AK5: variants seen among roughly 807,000 people sequenced by gnomAD.
AK5 encodes the protein adenylate kinase isoenzyme 5.
In AK5, 27 loss-of-function variants were observed where a neutral mutation model predicts 69.5. The observed-to-expected ratio is 0.39, with a 90% CI of 0.29 to 0.54. The LOEUF (loss-of-function observed/expected upper bound fraction) is 0.54, where lower values mean the gene tolerates loss of function less well. Ranked by LOEUF, AK5 falls within the 20% of genes least tolerant of loss-of-function variation. The probability of loss-of-function intolerance (pLI) is 0.71; values close to 1 mark genes in which losing one functional copy is unlikely to be tolerated. For synonymous variants in AK5, 260 were observed against 244.4 expected, an observed-to-expected ratio of 1.06 and a Z score of -0.60; for missense variants, 531 against 700.4, an observed-to-expected ratio of 0.76 and a Z score of 2.73.
chr1:77,368,243 A>AT (rs1432239191), intron 6 of AK5, among the ~76,000 whole-genome samples: 2 of 17,664 alleles, frequency 1.1e-4, no homozygotes, highest in South Asian at 2.6e-3. Flanking sequence ...ATATATATAT[A>AT]TATATATATA....
intron 10 of AK5, among the ~76,000 whole-genome samples, chr1:77,512,941 G>A (rs1043238123): frequency 4.6e-5 from 7 of 152,200 alleles, no homozygotes; most frequent in Non-Finnish European, 2.9e-5. Flanking sequence ...GGGAGATGAG[G>A]AGGGAGACCC....
chr1:77,536,515 C>T (rs1658979805), intron 13 of AK5, among the ~76,000 whole-genome samples: 1 of 152,180 alleles, frequency 6.6e-6, no homozygotes, highest in Admixed American at 6.5e-5. Context: ...ACTTCTATTT[C>T]AATCAAAATT....
intron 1 of AK5, 197 bp downstream of exon 1, chr1:77,282,570 C>T (rs1214883950): frequency 2.2e-6 from 3 of 1,358,918 alleles, no homozygotes; most frequent in African/African-American, 1.5e-5. Flanking sequence ...GAAGGCTGGG[C>T]TTAGAAGCCT....
chr1:77,428,306 T>C (rs571447101), intron 8 of AK5, among the ~76,000 whole-genome samples: 1 of 152,366 alleles, frequency 6.6e-6, no homozygotes. Flanking sequence ...CTCTGTGTAC[T>C]TTTTTGTTCA....
At chr1:77,425,295 A>G (rs1651123849) in intron 8 of AK5, among the ~76,000 whole-genome samples, 1 of 152,158 alleles carries the variant, frequency 6.6e-6, no homozygotes, top group African/African-American at 2.4e-5. Flanking sequence ...AGAAGAAAAA[A>G]TGACATAGAG....
At chr1:77,364,894 G>A (rs1646924559) in intron 6 of AK5, among the ~76,000 whole-genome samples, 1 of 152,148 alleles carries the variant, frequency 6.6e-6, no homozygotes, top group Non-Finnish European at 1.5e-5. Context: ...CCAGTAGTGG[G>A]ACTGCTGGAC....
At position 77,521,139 on chromosome 1, in the gene AK5, CTT is replaced by C. The variant is rs879354407; in HGVS notation, c.1312-676_1312-675del. On this transcript the variant is annotated intron_variant, in intron 11 of 13. Coordinates refer to ENST00000354567, the MANE Select transcript of AK5 (RefSeq NM_174858.3). ...GGAAAAAAAGTTAACAGTAAGATAC[CTT>C]TTTTTTTTTTTGAGACACAGTCTCG... Among the ~76,000 whole-genome samples, 9 of 145,658 alleles carry C rather than the reference CTT, an allele frequency of 6.2e-5. No homozygotes were observed. The South Asian group carries it at 6.6e-4, about 11-fold the overall frequency.
intron 8 of AK5, among the ~76,000 whole-genome samples, chr1:77,422,030 C>G (rs371567166): frequency 1.3e-5 from 2 of 152,180 alleles, no homozygotes; most frequent in Non-Finnish European, 1.5e-5. Context: ...CATCTTCCCC[C>G]ACAAAATCTG....
chr1:77,555,864 ACATTGATGATAAC>A (rs1660070780), intron 13 of AK5, among the ~76,000 whole-genome samples: 1 of 152,214 alleles, frequency 6.6e-6, no homozygotes, highest in Non-Finnish European at 1.5e-5. Context: ...TAACTGCAAA[ACATTGATGATAAC>A]CAGGAAATGC....
intron 8 of AK5, among the ~76,000 whole-genome samples, chr1:77,439,782 A>T (rs1346536247): frequency 6.6e-6 from 1 of 151,484 alleles, no homozygotes; most frequent in African/African-American, 2.4e-5. Context: ...ATATATATGT[A>T]TGTATACATG....
chr1:77,527,542 AAAC>A (rs1658357411), intron 12 of AK5, among the ~76,000 whole-genome samples: 1 of 152,234 alleles, frequency 6.6e-6, no homozygotes, highest in Admixed American at 6.5e-5. Context: ...ATTCCATTTC[AAAC>A]AACACACAGG....
chr1:77,478,655 G>T (rs749227705), intron 8 of AK5, among the ~76,000 whole-genome samples: 1 of 152,158 alleles, frequency 6.6e-6, no homozygotes, highest in Non-Finnish European at 1.5e-5. Flanking sequence ...ACAGAAATTG[G>T]TTCTGTCACC....
intron 10 of AK5, among the ~76,000 whole-genome samples, chr1:77,489,125 A>G (rs1334285266): frequency 6.6e-6 from 1 of 152,198 alleles, no homozygotes; most frequent in African/African-American, 2.4e-5. Flanking sequence ...AGGCATAACT[A>G]AAGACCTCAC....
chr1:77,494,804 C>T (rs1299732577), intron 10 of AK5, among the ~76,000 whole-genome samples: 5 of 148,020 alleles, frequency 3.4e-5, no homozygotes, highest in Admixed American at 1.3e-4. Context: ...TTTTTTGAGA[C>T]GGAGTCTTGC....
intron 5 of AK5, among the ~76,000 whole-genome samples, chr1:77,339,378 G>C (rs1316426431): frequency 6.6e-6 from 1 of 152,110 alleles, no homozygotes; most frequent in African/African-American, 2.4e-5. Context: ...TTCTAATTTA[G>C]TTAAATAGAA....
intron 5 of AK5, among the ~76,000 whole-genome samples, chr1:77,302,188 T>C (rs1615404): frequency 0.89 from 134,496 of 151,964 alleles, 59,868 homozygotes; most frequent in Middle Eastern, 0.97. Context: ...TGTGAGCCAC[T>C]GCAACTGGCT....
At position 77,535,876 on chromosome 1, in the gene AK5, G is replaced by A. The variant is rs1304519071; in HGVS notation, c.1458G>A (p.Met486Ile). The A allele has an allele frequency of 6.2e-7, 1 of 1,613,604 alleles. No homozygotes were observed. Among genetic ancestry groups the A allele is most frequent in the Non-Finnish European group, 8.5e-7 (1 of 1,179,896 alleles). The change falls in exon 13 of 14, where the codon ATG becomes ATA. Residue 486 changes from methionine (M) to isoleucine (I), a missense_variant. Physicochemically the swap from Met to Ile is conservative, Grantham distance 10. Transcript: ENST00000354567. ...GAGACCCACAGTTGGTGATCTGTAT[G>A]GACTGCTCGGCAGACACCATGACCA... ...RIGDPQLVIC[M>I]DCSADTMTNR... is the part of the protein sequence containing the mutation.
chr1:77,556,929 TACC>T (rs1466395956), intron 13 of AK5, among the ~76,000 whole-genome samples: 1 of 151,878 alleles, frequency 6.6e-6, no homozygotes, highest in Non-Finnish European at 1.5e-5. Context: ...TTAGCAAGCT[TACC>T]ACCGCCCGCC....
At chr1:77,557,729 C>T (rs566035082) in intron 13 of AK5, among the ~76,000 whole-genome samples, 6 of 152,208 alleles carry the variant, frequency 3.9e-5, no homozygotes, top group South Asian at 4.2e-4. Flanking sequence ...TAAGTAACTC[C>T]GAAGTCTTTC....
Sources: gnomAD v4.1 joint callset for allele counts (sites outside exome capture counted in the v4.1 genomes callset) on GRCh38, gnomAD v4.1.1 for gene constraint, MANE v1.5 for transcripts, NCBI Gene and HGNC (gene_info 2026-07-23, HGNC 2026-07-21) for gene names.